FRMD5: variants seen among roughly 807,000 people sequenced by gnomAD.
The protein encoded by FRMD5 is FERM domain containing 5.
Under a neutral mutation model 69.0 loss-of-function variants are expected in FRMD5, and 20 were observed. The ratio of observed to expected loss-of-function variants is 0.29; its 90% CI spans 0.20 to 0.42. The LOEUF (loss-of-function observed/expected upper bound fraction) is 0.42. Among genes scored for constraint, FRMD5 ranks in the 10% least tolerant of loss-of-function variants. The probability of loss-of-function intolerance (pLI) is 1.00; values close to 1 mark genes in which losing one functional copy is unlikely to be tolerated. For missense variants in FRMD5, 595 were observed against 708.6 expected (o/e 0.84, Z 1.82); for synonymous variants, 271 against 260.1 (o/e 1.04, Z -0.40).
chr15:44,041,228 T>C (rs1348493056), intron 1 of FRMD5, among the ~76,000 whole-genome samples: 2 of 152,012 alleles, frequency 1.3e-5, no homozygotes, highest in African/African-American at 2.4e-5. Context: ...CAAAGAGACT[T>C]AGACTCCCAC....
intron 13 of FRMD5, among the ~76,000 whole-genome samples, chr15:43,882,365 T>C (rs2088553524): frequency 6.6e-6 from 1 of 151,438 alleles, no homozygotes; most frequent in African/African-American, 2.5e-5. Context: ...CAAATTTCTT[T>C]CTTTTTTTTT....
At chr15:43,977,258 G>A (rs1462961174) in intron 1 of FRMD5, among the ~76,000 whole-genome samples, 1 of 152,130 alleles carries the variant, frequency 6.6e-6, no homozygotes, top group African/African-American at 2.4e-5. Context: ...TCTCTGTTAA[G>A]GTATGGGTGA....
chr15:43,974,549 A>G (rs2090435540), intron 1 of FRMD5, among the ~76,000 whole-genome samples: 1 of 152,138 alleles, frequency 6.6e-6, no homozygotes, highest in Non-Finnish European at 1.5e-5. Flanking sequence ...GTTAACTCCT[A>G]CCTATACTCT....
At chr15:44,093,731 C>A (rs990815942) in intron 1 of FRMD5, among the ~76,000 whole-genome samples, 1 of 151,816 alleles carries the variant, frequency 6.6e-6, no homozygotes, top group Admixed American at 6.6e-5. Flanking sequence ...CTCCACCATG[C>A]CCGGCTAATT....
In FRMD5 at chr15:44,096,207, A is replaced by G. The variant is rs886669171; in HGVS notation, c.102+98746T>C. 5.0e-5 allele frequency among the ~76,000 whole-genome samples: 4 copies of G among 80,402 alleles called. No homozygotes were observed. The South Asian group carries it at 2.2e-3, about 43-fold the overall frequency. 52.7% of individuals were successfully genotyped at this position (80,402 alleles called of 152,430 possible). A position where few individuals can be genotyped will look rare whatever the true frequency, so the allele number is the denominator to read the frequency against. On this transcript the variant is annotated intron_variant, in intron 1 of 13. Transcript: ENST00000417257. ...AGCAACATGAGAGAAACTCCATCTC[A>G]AAAAAAAAAAAAAAAAAAAAAAGAG...
chr15:43,909,632 C>T (rs1332076701), intron 5 of FRMD5, among the ~76,000 whole-genome samples: 1 of 151,978 alleles, frequency 6.6e-6, no homozygotes, highest in Non-Finnish European at 1.5e-5. Flanking sequence ...AGGTGTGTGC[C>T]ACCACACTGG....
intron 1 of FRMD5, among the ~76,000 whole-genome samples, chr15:44,044,757 C>A (rs1356075949): frequency 6.7e-6 from 1 of 148,568 alleles, no homozygotes; most frequent in African/African-American, 2.5e-5. Flanking sequence ...ACACTGGGGC[C>A]TGTCAGGGGG....
chr15:44,008,899 G>A (rs978627969), intron 1 of FRMD5, among the ~76,000 whole-genome samples: 2 of 152,010 alleles, frequency 1.3e-5, no homozygotes, highest in Admixed American at 1.3e-4. Context: ...GGTGGCAGGC[G>A]CCTGTAGTCC....
At chr15:43,989,727 T>C in intron 1 of FRMD5, 1 of 1,001,848 alleles carries the variant, frequency 1.0e-6, no homozygotes. Flanking sequence ...TCGTAGTCCA[T>C]CACGATGTCA....
chr15:43,920,927 T>A (rs1227500769), intron 2 of FRMD5, among the ~76,000 whole-genome samples: 1 of 152,220 alleles, frequency 6.6e-6, no homozygotes, highest in Non-Finnish European at 1.5e-5. Flanking sequence ...AGTGATCACC[T>A]TCTGGGCTGG....
chr15:44,028,689 A>T (rs1891546578), intron 1 of FRMD5, among the ~76,000 whole-genome samples: 1 of 152,188 alleles, frequency 6.6e-6, no homozygotes, highest in African/African-American at 2.4e-5. Flanking sequence ...AGGCCCAGGT[A>T]GCCAGAGTGC....
Position 43,888,164 on chromosome 15 carries a change from T to TATCC in FRMD5, c.884+7_884+10dup. The TATCC allele has an allele frequency of 6.3e-7, 1 of 1,595,970 alleles. No homozygotes were observed. The highest frequency in any genetic ancestry group is 8.6e-7 in the Non-Finnish European group (1 of 1,163,552). ...TAAGAAAGACAGTCCCCATCACATG[T>TATCC]ATCCACTCACTTGTAGAAGGCTTGG... On this transcript the variant is annotated intron_variant, in intron 10 of 13. Coordinates refer to ENST00000417257, the MANE Select transcript of FRMD5 (RefSeq NM_032892.5).
At chr15:44,032,007 T>C (rs1381279812) in intron 1 of FRMD5, among the ~76,000 whole-genome samples, 11 of 151,028 alleles carry the variant, frequency 7.3e-5, no homozygotes, top group African/African-American at 2.4e-4. Context: ...AACAGGCACA[T>C]AGACCAATGG....
chr15:43,928,972 T>C (rs1166414098), intron 1 of FRMD5, among the ~76,000 whole-genome samples: 3 of 152,228 alleles, frequency 2.0e-5, no homozygotes, highest in African/African-American at 7.2e-5. Context: ...AAATAACTTA[T>C]TAAGCACTCG....
chr15:44,093,395 T>C (rs2076503385), intron 1 of FRMD5, among the ~76,000 whole-genome samples: 1 of 151,256 alleles, frequency 6.6e-6, no homozygotes, highest in Non-Finnish European at 1.5e-5. Flanking sequence ...GGGAAGGGCA[T>C]GAAGCAACAA....
Position 43,904,594 on chromosome 15 carries a change from G to A in FRMD5, c.551+1234C>T, listed in dbSNP as rs142813967. ...GGTTTTCGCCATGTTGCCCAGGCTG[G>A]TCTCGAACTTCTGACCTCAGGTGAT... On this transcript the variant is annotated intron_variant, in intron 6 of 13. Transcript: ENST00000417257. Among the ~76,000 whole-genome samples, 113 of 152,204 alleles carry A rather than the reference G, an allele frequency of 7.4e-4. 2 individuals carry two copies. Among genetic ancestry groups the A allele is most frequent in the Middle Eastern group, 3.4e-3 (1 of 294 alleles).
rs575000986 is a variant in FRMD5, at chr15:43,957,404, C to T, written c.103-33095G>A. ...TAGAGACAGGATTTCACCATGTTGG[C>T]CAGGCTGGTATCAAACTCCTGACCT... On this transcript the variant is annotated intron_variant, in intron 1 of 13. Transcript: ENST00000417257. Among the ~76,000 whole-genome samples the T allele has an allele frequency of 4.6e-5, 7 of 152,270 alleles. No individual in the cohort carries two copies. The East Asian group carries it at 1.4e-3, about 29-fold the overall frequency.
At chr15:44,057,682 GAAGTA>G (rs1278821204) in intron 1 of FRMD5, among the ~76,000 whole-genome samples, 1 of 152,114 alleles carries the variant, frequency 6.6e-6, no homozygotes. Context: ...AATCCAAAAG[GAAGTA>G]AAGAACCTTG....
chr15:44,164,542 T>C (rs1316737473), intron 1 of FRMD5, among the ~76,000 whole-genome samples: 1 of 152,234 alleles, frequency 6.6e-6, no homozygotes. Context: ...CAACAGACAG[T>C]AAATTTTAAA....
Sources: gnomAD v4.1 joint callset for allele counts (sites outside exome capture counted in the v4.1 genomes callset) on GRCh38, gnomAD v4.1.1 for gene constraint, MANE v1.5 for transcripts, NCBI Gene and HGNC (gene_info 2026-07-23, HGNC 2026-07-21) for gene names.